The following ARMC5 variants were observed in gnomAD, a reference collection of about 807,000 sequenced individuals.
ARMC5 encodes armadillo repeat-containing protein 5.
In ARMC5, 28 loss-of-function variants were observed where a neutral mutation model predicts 60.5. The observed-to-expected ratio is 0.46, with a 90% CI of 0.34 to 0.63. ARMC5 has a LOEUF of 0.63. ARMC5 is among the 30% of genes least tolerant of loss of function. The probability of loss-of-function intolerance (pLI) is 0.01; values close to 1 mark genes in which losing one functional copy is unlikely to be tolerated. For synonymous variants in ARMC5, 680 were observed against 607.3 expected, an observed-to-expected ratio of 1.12 and a Z score of -1.76; for missense variants, 1,189 against 1,304.9, an observed-to-expected ratio of 0.91 and a Z score of 1.37.
Position 31,459,640 on chromosome 16 carries a change from C to A in ARMC5, c.116C>A (p.Pro39His). 1.3e-6 allele frequency: 2 copies of A among 1,592,870 alleles called. No homozygotes were observed. Among genetic ancestry groups the A allele is most frequent in the Non-Finnish European group, 1.7e-6 (2 of 1,177,042 alleles). The change falls in exon 1 of 6, where the codon CCC becomes CAC. Residue 39 changes from proline to histidine, a missense_variant. Transcript: ENST00000268314. ...GEKDPATNET[P>H]LSRALLALRT... ...AAGGACCCAGCGACCAACGAGACACCCCTGAGCCGCGCGCTCCTAGCCCTC... is the reference window on the plus strand; with the variant it reads ...AAGGACCCAGCGACCAACGAGACACACCTGAGCCGCGCGCTCCTAGCCCTC...
In ARMC5 at chr16:31,464,520, G is replaced by A; in HGVS notation, c.1497G>A (p.Arg499=). Residue 499 remains arginine (R), a synonymous_variant, in exon 4 of 6, where the codon CGG becomes CGA. Coordinates refer to ENST00000268314, the MANE Select transcript of ARMC5 (RefSeq NM_001105247.2). This position sits in a 1 kb window ranked among gnomAD's most constrained non-coding sequence, Gnocchi z 7.6. ...ASPAPTPTSL[R]APRTQRTPGR... The stretch of plus-strand genomic sequence containing the variant: ...CCGCCCCGACCCCGACCTCGCTGCG[G>A]GCACCACGCACCCAACGCACTCCGG... 6.2e-7 allele frequency: 1 copy of A among 1,602,908 alleles called. No individual in the cohort carries two copies. Among genetic ancestry groups the A allele is most frequent in the African/African-American group, 1.3e-5 (1 of 74,786 alleles).
At chr16:31,460,024 A>G (rs750378483) in intron 1 of ARMC5, 25 bp downstream of exon 1, 3 of 1,592,240 alleles carry the variant, frequency 1.9e-6, no homozygotes, top group South Asian at 2.2e-5. Flanking sequence ...CCCGTTTCCT[A>G]GAAAGATTAG....
At chr16:31,465,047 C>T in intron 4 of ARMC5, 160 bp downstream of exon 4, 1 of 1,613,732 alleles carries the variant, frequency 6.2e-7, no homozygotes, top group Non-Finnish European at 8.5e-7. Flanking sequence ...CAGGGCGTTC[C>T]AGTCCCTCCA....
rs2082329431 is a variant in ARMC5, at chr16:31,464,284, C to T, written c.1371-110C>T. The T allele has an allele frequency of 1.1e-6, 1 of 949,838 alleles. No homozygotes were observed. The highest frequency in any genetic ancestry group is 1.4e-6 in the Non-Finnish European group (1 of 697,442). The allele number at this position is 949,838 out of a possible 1,614,324, so 58.8% of individuals were successfully genotyped here. On this transcript the variant is annotated intron_variant, in intron 3 of 5. Coordinates refer to ENST00000268314, the MANE Select transcript of ARMC5 (RefSeq NM_001105247.2). This position sits in a 1 kb window ranked among gnomAD's most constrained non-coding sequence, Gnocchi z 7.6. ...CAGCCTGGGCTATAGAGGGATACCA[C>T]ATTTCTTTAAAAAAAAAAAAAAAAA...
rs868294945 is a variant in ARMC5 at position 31,464,433 on chromosome 16, T to A, written c.1410T>A (p.Asp470Glu). ...LISEGYATGP[D>E]DISPDWSPEQ... ...CCGAGGGCTATGCCACAGGCCCTGA[T>A]GACATCTCCCCCGACTGGTCTCCTG... Residue 470 changes from aspartate to glutamate, a missense_variant, in exon 4 of 6, where the codon GAT (aspartate) becomes GAA (glutamate). This residue lies in a region of ARMC5 where 862 missense variants were observed against 1,071.2 expected (regional missense o/e 0.80). Coordinates refer to ENST00000268314, the MANE Select transcript of ARMC5 (RefSeq NM_001105247.2). The surrounding 1 kb of genome is among the most constrained non-coding windows in gnomAD (Gnocchi z 7.6). The A allele has an allele frequency of 1.3e-6, 2 of 1,564,944 alleles. No homozygotes were observed. The highest frequency in any genetic ancestry group is 3.4e-4 in the Middle Eastern group (2 of 5,858).
chr16:31,466,892 T>C lies in ARMC5; in HGVS notation c.*3T>C. 6.5e-7 allele frequency: 1 copy of C among 1,526,796 alleles called. No individual in the cohort carries two copies. The highest frequency in any genetic ancestry group is 1.3e-5 in the South Asian group (1 of 76,620). 94.6% of individuals were successfully genotyped at this position (1,526,796 alleles called of 1,614,324 possible). On this transcript the variant is annotated 3_prime_UTR_variant, in exon 6 of 6. Transcript: ENST00000268314. This position sits in a 1 kb window ranked among gnomAD's most constrained non-coding sequence, Gnocchi z 8.0. Reference sequence around the variant, plus strand: ...TGGGGGCAAGGGTCCCTGCCTAGACTGTTGACGTCCCCTGGGAAGGGGACC... The same window carrying C: ...TGGGGGCAAGGGTCCCTGCCTAGACCGTTGACGTCCCCTGGGAAGGGGACC...
chr16:31,462,314 T>C lies in ARMC5; in HGVS notation c.767T>C (p.Leu256Ser). 6.2e-7 allele frequency: 1 copy of C among 1,610,672 alleles called. No individual in the cohort carries two copies. Among genetic ancestry groups the C allele is most frequent in the Non-Finnish European group, 8.5e-7 (1 of 1,179,896 alleles). Residue 256 changes from leucine (L) to serine (S), a missense_variant, in exon 3 of 6, where the codon TTA becomes TCA. Leu to Ser is a moderately radical substitution (Grantham distance 145). Around this residue, in one of 2 missense-constraint regions of ARMC5, gnomAD observed 862 missense variants for 1,071.2 expected, o/e 0.80. Transcript: ENST00000268314. The surrounding 1 kb of genome is among the most constrained non-coding windows in gnomAD (Gnocchi z 7.2). ...ACTGCCCCAGATGCTGCACTGACCT[T>C]AGCCCTCGTCCGTGCCCTCCTGGAA... ...LATAPDAALT[L>S]ALVRALLELS...
rs767038404 is a variant in ARMC5 at position 31,459,821 on chromosome 16, A to C, written c.297A>C (p.Gly99=). The change falls in exon 1 of 6, where the codon GGA becomes GGC. Residue 99 remains glycine (G), a synonymous_variant. Coordinates refer to ENST00000268314, the MANE Select transcript of ARMC5 (RefSeq NM_001105247.2). ...CCGCCCCCTCGTCGGCCGCGTCGGG[A>C]GCTTCTAGCCCCGCCCCCGCGTCGG... The part of the protein sequence containing the change: ...PGSAPSSAAS[G]ASSPAPASGP... 7.1e-6 allele frequency: 11 copies of C among 1,550,988 alleles called. 1 individual carries two copies. The highest frequency in any genetic ancestry group is 2.3e-5 in the South Asian group (2 of 86,454).
At chr16:31,463,840 A>G (rs1469027717) in intron 3 of ARMC5, among the ~76,000 whole-genome samples, 1 of 152,210 alleles carries the variant, frequency 6.6e-6, no homozygotes, top group Non-Finnish European at 1.5e-5. Context: ...CCAGGGGGAC[A>G]GGCACTTTGT....
Position 31,460,268 on chromosome 16 carries a change from A to G in ARMC5, c.475+269A>G. On this transcript the variant is annotated intron_variant, in intron 1 of 5. Coordinates refer to ENST00000268314, the MANE Select transcript of ARMC5 (RefSeq NM_001105247.2). ...TCGAAGCTGGACTAGCGGAGGCCAA[A>G]GAGTTATTTGGTGATTTTTTCAGAT... 3 of 468,764 alleles carry G rather than the reference A, an allele frequency of 6.4e-6. No homozygotes were observed. In the South Asian group the frequency reaches 8.1e-5, roughly 13 times the overall value. The allele number at this position is 468,764 out of a possible 1,614,324, so 29.0% of individuals were successfully genotyped here. A position where few individuals can be genotyped will look rare whatever the true frequency, so the allele number is the denominator to read the frequency against.
chr16:31,464,849 G>C lies in ARMC5; in HGVS notation c.1826G>C (p.Arg609Pro), dbSNP rs767369427. Residue 609 changes from arginine to proline, a missense_variant, in exon 4 of 6, where the codon CGT becomes CCT. This residue lies in a region of ARMC5 where 862 missense variants were observed against 1,071.2 expected (regional missense o/e 0.80). Coordinates refer to ENST00000268314, the MANE Select transcript of ARMC5 (RefSeq NM_001105247.2). This position sits in a 1 kb window ranked among gnomAD's most constrained non-coding sequence, Gnocchi z 7.6. The stretch of plus-strand genomic sequence containing the variant: ...GCGCCTGACGATTGGCCGGCACCAC[G>C]TGCCCGGCCCACTCTCCACAGCCGG... ...GVAPDDWPAP[R>P]ARPTLHSRHR... The C allele has an allele frequency of 6.3e-7, 1 of 1,598,374 alleles. No homozygotes were observed. Among genetic ancestry groups the C allele is most frequent in the Non-Finnish European group, 8.5e-7 (1 of 1,178,392 alleles).
rs182524829 is a variant in ARMC5 at position 31,462,864 on chromosome 16, T to C, written c.1317T>C (p.Phe439=). ...EEGREAASWD[F]PEERTPERAQ... ...GAAGAGAAGCTGCTTCCTGGGACTT[T>C]CCTGAGGAGAGGACCCCTGAGCGGG... is the stretch of plus-strand genomic sequence containing the variant. The change falls in exon 3 of 6, where the codon TTT becomes TTC. Residue 439 remains phenylalanine, a synonymous_variant. Coordinates refer to ENST00000268314, the MANE Select transcript of ARMC5 (RefSeq NM_001105247.2). The surrounding 1 kb of genome is among the most constrained non-coding windows in gnomAD (Gnocchi z 7.2). The C allele has an allele frequency of 1.0e-4, 165 of 1,613,450 alleles. 1 individual carries two copies. The East Asian group carries it at 3.4e-3, about 33-fold the overall frequency.
chr16:31,465,500 TA>T, intron 4 of ARMC5: 1 of 804,184 alleles, frequency 1.2e-6, no homozygotes, highest in Non-Finnish European at 1.8e-6. Context: ...TACTACAAAC[TA>T]ATGATTAATG....
At chr16:31,459,153 TGCACGCCGGGG>T, upstream of ARMC5, 1 of 1,503,626 alleles carries the variant, frequency 6.7e-7, no homozygotes, top group Admixed American at 2.1e-5. Flanking sequence ...CCCCGCCGAG[TGCACGCCGGGG>T]GCGGGGCACG....
In ARMC5 at chr16:31,459,747, C is replaced by A; in HGVS notation, c.223C>A (p.Arg75=). Residue 75 remains arginine (R), a synonymous_variant, in exon 1 of 6, where the codon CGG becomes AGG. Coordinates refer to ENST00000268314, the MANE Select transcript of ARMC5 (RefSeq NM_001105247.2). ...GGLRPLLALL[R]RAAAAGSAPS... ...GCTCCGCCCCCTACTCGCGCTGCTA[C>A]GGCGAGCGGCTGCAGCGGGTTCCGC... 4 of 1,542,614 alleles carry A rather than the reference C, an allele frequency of 2.6e-6. No homozygotes were observed. Among genetic ancestry groups the A allele is most frequent in the South Asian group, 1.2e-5 (1 of 84,560 alleles).
chr16:31,460,044 T>G, intron 1 of ARMC5, 45 bp downstream of exon 1: 1 of 1,583,988 alleles, frequency 6.3e-7, no homozygotes, highest in Admixed American at 1.7e-5. Flanking sequence ...GGTTTGCAAC[T>G]CCCTTGCTCT....
chr16:31,464,749 AACCC>A lies in ARMC5; in HGVS notation c.1727_1730del (p.Asn576MetfsTer53). On this transcript the variant is annotated frameshift_variant, in exon 4 of 6. Coordinates refer to ENST00000268314, the MANE Select transcript of ARMC5 (RefSeq NM_001105247.2). LOFTEE classifies it high-confidence loss of function. This position sits in a 1 kb window ranked among gnomAD's most constrained non-coding sequence, Gnocchi z 7.6. ...GCGCATTCTGTCACGCCTCACCTGCAACCCTGCCTGCCTCGAGGCCTTCGTGCGC... is the reference window on the plus strand; with the variant it reads ...GCGCATTCTGTCACGCCTCACCTGCATGCCTGCCTCGAGGCCTTCGTGCGC... 2 of 1,599,086 alleles carry A rather than the reference AACCC, an allele frequency of 1.3e-6. No individual in the cohort carries two copies. The highest frequency in any genetic ancestry group is 8.5e-7 in the Non-Finnish European group (1 of 1,179,284).
At chr16:31,459,142 T>A, upstream of ARMC5, 1 of 1,494,606 alleles carries the variant, frequency 6.7e-7, no homozygotes, top group Non-Finnish European at 8.9e-7. Flanking sequence ...GAAAAGGCGG[T>A]CCCCGCCGAG....
rs889765608 is a variant in ARMC5 at position 31,466,550 on chromosome 16, A to G, written c.2469A>G (p.Pro823=). The change falls in exon 6 of 6, where the codon CCA becomes CCG. Residue 823 remains proline (P), a synonymous_variant. Coordinates refer to ENST00000268314, the MANE Select transcript of ARMC5 (RefSeq NM_001105247.2). This position sits in a 1 kb window ranked among gnomAD's most constrained non-coding sequence, Gnocchi z 8.0. The part of the protein sequence containing the change: ...CGAALGPVPP[P]GQPLLGSEAE... ...CTGCCCTGGGGCCCGTGCCCCCACC[A>G]GGCCAGCCCCTGCTGGGTTCAGAGG... 3 of 1,608,410 alleles carry G rather than the reference A, an allele frequency of 1.9e-6. No homozygotes were observed. The highest frequency in any genetic ancestry group is 1.7e-5 in the Admixed American group (1 of 59,880).
Sources: gnomAD v4.1 joint callset for allele counts (sites outside exome capture counted in the v4.1 genomes callset) on GRCh38, gnomAD v4.1.1 for gene constraint, gnomAD v4.1.1 regional missense constraint, Gnocchi (gnomAD v3.1) non-coding constraint, MANE v1.5 for transcripts, NCBI Gene and HGNC (gene_info 2026-07-23, HGNC 2026-07-21) for gene names.